The following PAPSS1 variants were observed in gnomAD, a reference collection of about 807,000 sequenced individuals.
PAPSS1 encodes 3'-phosphoadenosine 5'-phosphosulfate synthase 1.
Under a neutral mutation model 72.0 loss-of-function variants are expected in PAPSS1, and 50 were observed. That is an observed-to-expected ratio of 0.69 (90% confidence interval 0.55 to 0.88). The LOEUF (loss-of-function observed/expected upper bound fraction) is 0.88. Ranked by LOEUF, PAPSS1 falls within the 40% of genes least tolerant of loss-of-function variation. PAPSS1 has a pLI of 0.00. For missense variants in PAPSS1, 657 were observed against 782.2 expected (o/e 0.84, Z 1.91); for synonymous variants, 261 against 263.6 (o/e 0.99, Z 0.09).
chr4:107,639,241 A>C (rs1454176999), intron 10 of PAPSS1, among the ~76,000 whole-genome samples: 1 of 152,232 alleles, frequency 6.6e-6, no homozygotes, highest in Non-Finnish European at 1.5e-5. Flanking sequence ...CTAATGAAAT[A>C]AGTTCAGTTT....
intron 5 of PAPSS1, among the ~76,000 whole-genome samples, chr4:107,678,364 C>T (rs559031581): frequency 2.0e-5 from 3 of 151,716 alleles, no homozygotes; most frequent in Non-Finnish European, 4.4e-5. Context: ...GCATTGAAAA[C>T]AAAACACAGA....
intron 5 of PAPSS1, among the ~76,000 whole-genome samples, chr4:107,677,110 A>G (rs1033712409): frequency 4.6e-5 from 7 of 152,356 alleles, no homozygotes; most frequent in Non-Finnish European, 7.3e-5. Context: ...AATACCATTC[A>G]GGACATAGGC....
chr4:107,643,181 T>C (rs1422659445), intron 10 of PAPSS1, among the ~76,000 whole-genome samples: 1 of 152,174 alleles, frequency 6.6e-6, no homozygotes, highest in Non-Finnish European at 1.5e-5. Context: ...ATATGCGGTA[T>C]GATCTGAATT....
intron 11 of PAPSS1, among the ~76,000 whole-genome samples, chr4:107,619,340 T>A (rs1725899945): frequency 6.6e-6 from 1 of 152,220 alleles, no homozygotes; most frequent in African/African-American, 2.4e-5. Flanking sequence ...CATTTCTTCA[T>A]CACACGGAAT....
intron 5 of PAPSS1, among the ~76,000 whole-genome samples, chr4:107,665,793 A>G (rs958368037): frequency 6.6e-6 from 1 of 152,160 alleles, no homozygotes; most frequent in Non-Finnish European, 1.5e-5. Context: ...CATCTAACAT[A>G]TGTTGTATCC....
chr4:107,632,649 A>T (rs1726253820), intron 10 of PAPSS1, among the ~76,000 whole-genome samples: 1 of 152,202 alleles, frequency 6.6e-6, no homozygotes, highest in South Asian at 2.1e-4. Flanking sequence ...GAAACTTTAG[A>T]ATTTAAAGTG....
At chr4:107,615,906 C>T (rs1017891740) in intron 11 of PAPSS1, among the ~76,000 whole-genome samples, 1 of 152,170 alleles carries the variant, frequency 6.6e-6, no homozygotes, top group Non-Finnish European at 1.5e-5. Context: ...AGGCAGCCAT[C>T]CACAACCAGG....
rs1180660931 is a variant in PAPSS1, at chr4:107,654,786, AT to A, written c.1009del (p.Ile337PhefsTer33). 1 of 1,614,068 alleles carries A rather than the reference AT, an allele frequency of 6.2e-7. No homozygotes were observed. ...CTCAAAAAACTCTGGATTGCGAAGAATGGCCACACGGCGGCCCTCATACATC... is the reference window on the plus strand; with the variant it reads ...CTCAAAAAACTCTGGATTGCGAAGAAGGCCACACGGCGGCCCTCATACATC... ...ALMYEGRRVAILRNPEFFEHR... is the reference protein window; with the variant it reads ...ALMYEGRRVAXLRNPEFFEHR... On this transcript the variant is annotated frameshift_variant, in exon 8 of 12. Coordinates refer to ENST00000265174, the MANE Select transcript of PAPSS1 (RefSeq NM_005443.5). LOFTEE classifies it high-confidence loss of function.
chr4:107,663,802 C>T (rs1292946514), intron 5 of PAPSS1, among the ~76,000 whole-genome samples: 5 of 152,038 alleles, frequency 3.3e-5, no homozygotes, highest in African/African-American at 4.8e-5. Flanking sequence ...CATAGATGAG[C>T]GAATTGAAGT....
rs772127764 is a variant in PAPSS1 at position 107,694,104 on chromosome 4, C to T, written c.176-98G>A. 2.6e-5 allele frequency: 22 copies of T among 850,892 alleles called. No individual in the cohort carries two copies. In the African/African-American group the frequency reaches 3.4e-4, roughly 13 times the overall value. 52.7% of individuals were successfully genotyped at this position (850,892 alleles called of 1,614,324 possible). ...TCCCAGAAACAAGAGTCTTGCTCTG[C>T]CACCCAGGCTGGAGTGCAGAGGCTG... On this transcript the variant is annotated intron_variant, in intron 2 of 11. Transcript: ENST00000265174.
intron 1 of PAPSS1, among the ~76,000 whole-genome samples, chr4:107,702,262 A>C (rs1254566619): frequency 6.6e-6 from 1 of 152,218 alleles, no homozygotes; most frequent in African/African-American, 2.4e-5. Flanking sequence ...GGAAAACAGC[A>C]GCCCCTCAAA....
intron 2 of PAPSS1, among the ~76,000 whole-genome samples, 167 bp downstream of exon 2, chr4:107,701,004 C>CAA (rs200655911): frequency 5.6e-5 from 7 of 125,234 alleles, no homozygotes; most frequent in African/African-American, 1.9e-4. Context: ...TATAAAAGAA[C>CAA]AAAAAAAAAA....
At chr4:107,707,716 G>A (rs1324038262) in intron 1 of PAPSS1, among the ~76,000 whole-genome samples, 4 of 152,242 alleles carry the variant, frequency 2.6e-5, no homozygotes, top group African/African-American at 7.2e-5. Flanking sequence ...CTACATCCAG[G>A]TGCGGTCATC....
intron 5 of PAPSS1, among the ~76,000 whole-genome samples, chr4:107,666,975 A>C (rs1029157319): frequency 1.3e-5 from 2 of 151,900 alleles, no homozygotes; most frequent in Non-Finnish European, 2.9e-5. Context: ...TGAGGAGAGG[A>C]CTCTTGGCTG....
chr4:107,619,346 G>A (rs114728652), intron 11 of PAPSS1, among the ~76,000 whole-genome samples: 184 of 152,238 alleles, frequency 1.2e-3, no homozygotes, highest in African/African-American at 3.6e-3. Context: ...TTCATCACAC[G>A]GAATGGGAGT....
Position 107,679,415 on chromosome 4 carries a change from T to C in PAPSS1, c.669+2600A>G, listed in dbSNP as rs531479363. Among the ~76,000 whole-genome samples the C allele has an allele frequency of 2.6e-5, 4 of 152,144 alleles. No homozygotes were observed. The East Asian group carries it at 7.7e-4, about 29-fold the overall frequency. On this transcript the variant is annotated intron_variant, in intron 5 of 11. Coordinates refer to ENST00000265174, the MANE Select transcript of PAPSS1 (RefSeq NM_005443.5). ...AAGCCTCTGGTGCATTAAGAATAAC[T>C]TCATAAGGAATAAGGACAGCCAAAT...
Position 107,701,295 on chromosome 4 carries a change from AAAG to A in PAPSS1, c.61-13_61-11del. ...TTGCTCTCTGCATTCCCTAGAAAAA[AAAG>A]AAAAAAAAAATTCTAGTTTACATGA... On this transcript the variant is annotated splice_polypyrimidine_tract_variant and intron_variant, in intron 1 of 11. Coordinates refer to ENST00000265174, the MANE Select transcript of PAPSS1 (RefSeq NM_005443.5). 1 of 1,581,228 alleles carries A rather than the reference AAAG, an allele frequency of 6.3e-7. No homozygotes were observed. The highest frequency in any genetic ancestry group is 1.1e-5 in the South Asian group (1 of 88,488).
intron 5 of PAPSS1, among the ~76,000 whole-genome samples, chr4:107,679,376 A>G (rs749479103): frequency 1.3e-5 from 2 of 152,170 alleles, no homozygotes; most frequent in African/African-American, 2.4e-5. Flanking sequence ...AGAGCCCACC[A>G]CTACAGAAAT....
At chr4:107,678,720 T>C (rs1358872753) in intron 5 of PAPSS1, among the ~76,000 whole-genome samples, 2 of 152,158 alleles carry the variant, frequency 1.3e-5, no homozygotes, top group Non-Finnish European at 2.9e-5. Flanking sequence ...AGCATGCCTA[T>C]GGCAGGTGCT....
Sources: gnomAD v4.1 joint callset for allele counts (sites outside exome capture counted in the v4.1 genomes callset) on GRCh38, gnomAD v4.1.1 for gene constraint, MANE v1.5 for transcripts, NCBI Gene and HGNC (gene_info 2026-07-23, HGNC 2026-07-21) for gene names.